The following TEX14 variants were observed in gnomAD, a reference collection of about 807,000 sequenced individuals.
The protein encoded by TEX14 is inactive serine/threonine-protein kinase TEX14.
In TEX14, 168 loss-of-function variants were observed where a neutral mutation model predicts 178.6. That is an observed-to-expected ratio of 0.94 (90% CI 0.83 to 1.07). TEX14 has a LOEUF of 1.07. TEX14 is among the 50% of genes least tolerant of loss of function. The pLI is 0.00. For synonymous variants in TEX14, 626 were observed against 634.1 expected (o/e 0.99, Z 0.19); for missense variants, 1,730 against 1,753.6 (o/e 0.99, Z 0.24).
At chr17:58,630,707 G>A (rs1443999879) in intron 2 of TEX14, among the ~76,000 whole-genome samples, 153 bp from the exon 3 acceptor site, 1 of 152,072 alleles carries the variant, frequency 6.6e-6, no homozygotes, top group Non-Finnish European at 1.5e-5. Flanking sequence ...GTCTTCATTA[G>A]TAGCACATAG....
Position 58,601,859 on chromosome 17 carries a change from G to C in TEX14, c.1625C>G (p.Ser542Ter). Residue 542 changes from serine to a stop codon, truncating the protein, a stop_gained, in exon 13 of 32, where the codon TCA becomes TGA. Coordinates refer to ENST00000349033, the MANE Select transcript of TEX14 (RefSeq NM_031272.5). LOFTEE classifies it high-confidence loss of function. ...PDVNVYLGLT[S>*]EHPRETPDME... ...GTCAGGTGTCTCTCTGGGGTGTTCT[G>C]AAGTCAGTCCTAGATAGACATTGAC... 6.2e-7 allele frequency: 1 copy of C among 1,613,352 alleles called. No homozygotes were observed. Among genetic ancestry groups the C allele is most frequent in the Non-Finnish European group, 8.5e-7 (1 of 1,179,944 alleles).
In TEX14 at chr17:58,585,612, T is replaced by TG. The variant is rs370034187; in HGVS notation, c.3070+188_3070+189insC. On this transcript the variant is annotated intron_variant, in intron 18 of 31. Coordinates refer to ENST00000349033, the MANE Select transcript of TEX14 (RefSeq NM_031272.5). ...GTGTGCCACCACGCCCAGCTAATGT[T>TG]TTTTTTTTTTTTTTTTTTTTTTTTG... 5.1e-3 allele frequency among the ~76,000 whole-genome samples: 620 copies of TG among 120,892 alleles called. 21 individuals carry two copies. Among genetic ancestry groups the TG allele is most frequent in the Non-Finnish European group, 6.5e-3 (382 of 58,436 alleles). 79.3% of individuals were successfully genotyped at this position (120,892 alleles called of 152,430 possible). A position where few individuals can be genotyped will look rare whatever the true frequency, so the allele number is the denominator to read the frequency against.
rs554282885 is a variant in TEX14 at position 58,603,962 on chromosome 17, T to G, written c.1336+1016A>C. 1.9e-4 allele frequency among the ~76,000 whole-genome samples: 28 copies of G among 144,460 alleles called. 1 individual carries two copies. The highest frequency in any genetic ancestry group is 1.9e-3 in the East Asian group (9 of 4,784). The allele number at this position is 144,460 out of a possible 152,430, so 94.8% of individuals were successfully genotyped here. A position where few individuals can be genotyped will look rare whatever the true frequency, so the allele number is the denominator to read the frequency against. On this transcript the variant is annotated intron_variant, in intron 11 of 31. Transcript: ENST00000349033. ...GTGTGTGTGTCTTTCTTTTGAAGGATTCCTTCCATCTTCAGATATGTGACT... is the reference window on the plus strand; with the variant it reads ...GTGTGTGTGTCTTTCTTTTGAAGGAGTCCTTCCATCTTCAGATATGTGACT...
At chr17:58,563,618 AATTTATATATATAT>A (rs535473760) in intron 28 of TEX14, among the ~76,000 whole-genome samples, 148 of 53,420 alleles carry the variant, frequency 2.8e-3, no homozygotes, top group Admixed American at 4.8e-3. Context: ...GCCCATCTCT[AATTTATATATATAT>A]ATATATATAT....
chr17:58,687,756 A>C (rs1464416167), intron 1 of TEX14, among the ~76,000 whole-genome samples: 1 of 152,222 alleles, frequency 6.6e-6, no homozygotes, highest in Non-Finnish European at 1.5e-5. Flanking sequence ...AGTCAACCTG[A>C]AAATGTCTCG....
intron 2 of TEX14, among the ~76,000 whole-genome samples, chr17:58,645,234 C>T (rs973407753): frequency 6.6e-6 from 1 of 152,144 alleles, no homozygotes; most frequent in Admixed American, 6.6e-5. Context: ...GTGATCCACC[C>T]ACCTTGACCT....
intron 10 of TEX14, among the ~76,000 whole-genome samples, chr17:58,608,169 G>A (rs1352444170): frequency 1.3e-5 from 2 of 152,266 alleles, no homozygotes; most frequent in East Asian, 3.9e-4. Flanking sequence ...TGTATTCCCA[G>A]CACTTTGGGA....
At chr17:58,557,116 A>C (rs957496689) in intron 31 of TEX14, 69 bp from the exon 32 acceptor site, 4 of 1,218,176 alleles carry the variant, frequency 3.3e-6, no homozygotes, top group Non-Finnish European at 4.9e-6. Context: ...TTAAAGACAC[A>C]AACCACATCC....
chr17:58,616,507 T>G (rs1360737502), intron 6 of TEX14, among the ~76,000 whole-genome samples: 1 of 150,690 alleles, frequency 6.6e-6, no homozygotes, highest in Non-Finnish European at 1.5e-5. Flanking sequence ...CTTGGCTCAC[T>G]GCAGCCTGGA....
chr17:58,587,970 A>G lies in TEX14; in HGVS notation c.2628T>C (p.Asn876=). Residue 876 remains asparagine, a synonymous_variant, in exon 16 of 32, where the codon AAT becomes AAC. Coordinates refer to ENST00000349033, the MANE Select transcript of TEX14 (RefSeq NM_031272.5). ...STAQAKATQF[N]SALFTLSSHR... ...GGCTTGACAGAGTGAAGAGTGCACT[A>G]TTAAACTGTGTGGCTTTGGCTTGGG... is the stretch of plus-strand genomic sequence containing the variant. The G allele has an allele frequency of 6.2e-7, 1 of 1,607,148 alleles. No homozygotes were observed. Among genetic ancestry groups the G allele is most frequent in the Non-Finnish European group, 8.5e-7 (1 of 1,173,754 alleles).
rs1368462902 is a variant in TEX14, at chr17:58,586,048, A to G, written c.2823T>C (p.Thr941=). The change falls in exon 18 of 32, where the codon ACT becomes ACC. Residue 941 remains threonine, a synonymous_variant. Coordinates refer to ENST00000349033, the MANE Select transcript of TEX14 (RefSeq NM_031272.5). Reference sequence around the variant, plus strand: ...GCCAAGGAGGTACTGTGAGCTGTCCAGTAGCTGCTTTCTTTGCCATTTCTT... The same window carrying G: ...GCCAAGGAGGTACTGTGAGCTGTCCGGTAGCTGCTTTCTTTGCCATTTCTT... The part of the protein sequence containing the change: ...EVKEMAKKAA[T]GQLTVPPWHP... 6.2e-7 allele frequency: 1 copy of G among 1,613,356 alleles called. No individual in the cohort carries two copies. The highest frequency in any genetic ancestry group is 8.5e-7 in the Non-Finnish European group (1 of 1,179,330).
intron 1 of TEX14, among the ~76,000 whole-genome samples, chr17:58,669,359 A>G (rs1400686223): frequency 5.3e-5 from 8 of 151,504 alleles, no homozygotes; most frequent in Non-Finnish European, 1.5e-5. Context: ...CTCAAAAACA[A>G]ACAAAAAAAA....
At chr17:58,595,228 C>T (rs1033181557) in intron 14 of TEX14, among the ~76,000 whole-genome samples, 8 of 152,078 alleles carry the variant, frequency 5.3e-5, no homozygotes, top group Non-Finnish European at 7.4e-5. Flanking sequence ...AAGAAATAAA[C>T]TTCAATTGTC....
chr17:58,602,935 G>A (rs536121729), intron 11 of TEX14, among the ~76,000 whole-genome samples: 93 of 151,146 alleles, frequency 6.2e-4, no homozygotes, highest in South Asian at 2.1e-4. Context: ...GCGTGGTGGC[G>A]CACACCTGCA....
intron 1 of TEX14, among the ~76,000 whole-genome samples, chr17:58,665,047 T>C (rs2047182005): frequency 6.6e-6 from 1 of 152,196 alleles, no homozygotes; most frequent in African/African-American, 2.4e-5. Flanking sequence ...CTCTGGAAAC[T>C]TTAAAATAAG....
rs575080954 is a variant in TEX14 at position 58,673,300 on chromosome 17, G to A, written c.-2+18639C>T. Among the ~76,000 whole-genome samples the A allele has an allele frequency of 5.3e-5, 8 of 151,246 alleles. No individual in the cohort carries two copies. The South Asian group carries it at 1.0e-3, about 20-fold the overall frequency. ...TCAAGACCAGCCTGGCCAATATGGC[G>A]AAACCATAAAAAAAAAATAACAAAT... On this transcript the variant is annotated intron_variant, in intron 1 of 31. Coordinates refer to ENST00000349033, the MANE Select transcript of TEX14 (RefSeq NM_031272.5).
At chr17:58,618,957 G>T (rs150354743) in intron 5 of TEX14, among the ~76,000 whole-genome samples, 9 of 152,294 alleles carry the variant, frequency 5.9e-5, no homozygotes, top group Non-Finnish European at 1.2e-4. Flanking sequence ...TCTCACTTGA[G>T]TAAACAGACC....
At chr17:58,683,685 C>T (rs943329703) in intron 1 of TEX14, among the ~76,000 whole-genome samples, 63 of 151,576 alleles carry the variant, frequency 4.2e-4, no homozygotes, top group African/African-American at 1.5e-3. Flanking sequence ...ATTGCTTGAA[C>T]CCGGAAGGCG....
Position 58,674,801 on chromosome 17 carries a change from T to TA in TEX14, c.-2+17137dup, listed in dbSNP as rs562587894. 5.3e-3 allele frequency among the ~76,000 whole-genome samples: 578 copies of TA among 109,692 alleles called. 8 individuals are homozygous for TA. Among genetic ancestry groups the TA allele is most frequent in the African/African-American group, 0.016 (467 of 28,708 alleles). 72.0% of individuals were successfully genotyped at this position (109,692 alleles called of 152,430 possible). A position where few individuals can be genotyped will look rare whatever the true frequency, so the allele number is the denominator to read the frequency against. Reference sequence around the variant, plus strand: ...GTCAATTATCCTTCAATAAAGTGGTTAAAAAAAAAAAAAGATTTATCTTCG... The same window carrying TA: ...GTCAATTATCCTTCAATAAAGTGGTTAAAAAAAAAAAAAAGATTTATCTTCG... On this transcript the variant is annotated intron_variant, in intron 1 of 31. Coordinates refer to ENST00000349033, the MANE Select transcript of TEX14 (RefSeq NM_031272.5).
Sources: allele counts gnomAD v4.1 joint callset (sites outside exome capture counted in the v4.1 genomes callset), GRCh38; gene constraint gnomAD v4.1.1; transcripts MANE v1.5; gene names NCBI Gene and HGNC (gene_info 2026-07-23, HGNC 2026-07-21).